Variants in ZNF808 observed in about 807,000 individuals in gnomAD.
ZNF808 encodes the protein zinc finger protein 808.
A neutral mutation model predicts 8.7 loss-of-function variants in ZNF808; 5 were observed. The observed-to-expected ratio is 0.58, with a 90% CI of 0.30 to 1.21. The LOEUF is 1.21. Among genes scored for constraint, ZNF808 ranks in the 50% most tolerant of loss-of-function variants. ZNF808 has a pLI of 0.07. For missense variants in ZNF808, 1,103 were observed against 1,098.4 expected, an observed-to-expected ratio of 1.00 and a Z score of -0.06; for synonymous variants, 380 against 366.0, an observed-to-expected ratio of 1.04 and a Z score of -0.44.
At chr19:52,528,221 G>A (rs1219047113) in intron 1 of ZNF808, among the ~76,000 whole-genome samples, 1 of 152,088 alleles carries the variant, frequency 6.6e-6, no homozygotes, top group Non-Finnish European at 1.5e-5. Flanking sequence ...TCTCTCCTCC[G>A]CAGTCACCGC....
chr19:52,531,624 G>A (rs2059562810), intron 1 of ZNF808, among the ~76,000 whole-genome samples: 1 of 152,022 alleles, frequency 6.6e-6, no homozygotes, highest in Non-Finnish European at 1.5e-5. Flanking sequence ...ATCGCTTTTG[G>A]CCAATATAAA....
At chr19:52,543,467 G>A in intron 3 of ZNF808, 120 bp downstream of exon 3, 1 of 1,436,510 alleles carries the variant, frequency 7.0e-7, no homozygotes, top group Non-Finnish European at 9.3e-7. Flanking sequence ...GAAGCATTTT[G>A]CCTGACACGT....
chr19:52,540,420 T>A (rs2059659536), intron 2 of ZNF808, among the ~76,000 whole-genome samples: 1 of 152,252 alleles, frequency 6.6e-6, no homozygotes, highest in South Asian at 2.1e-4. Context: ...GAAATTTTTT[T>A]GAGTTTACAT....
At chr19:52,535,349 AAAAAAAGAG>A (rs1290596313) in intron 2 of ZNF808, among the ~76,000 whole-genome samples, 5 of 147,372 alleles carry the variant, frequency 3.4e-5, no homozygotes, top group African/African-American at 1.2e-4. Flanking sequence ...AAAAAAAAAA[AAAAAAAGAG>A]AGAAAAGGAA....
At chr19:52,546,642 C>CTTTTTTTTT (rs67940309) in intron 3 of ZNF808, among the ~76,000 whole-genome samples, 1 of 98,794 alleles carries the variant, frequency 1.0e-5, no homozygotes, top group Admixed American at 1.3e-4. Context: ...CCTGTGTTTG[C>CTTTTTTTTT]TTTTTTTTTT....
At chr19:52,531,617 G>A (rs970458660) in intron 1 of ZNF808, among the ~76,000 whole-genome samples, 1 of 151,990 alleles carries the variant, frequency 6.6e-6, no homozygotes, top group Non-Finnish European at 1.5e-5. Context: ...TCTGAACATC[G>A]CTTTTGGCCA....
intron 2 of ZNF808, chr19:52,536,044 CGCGTGAGTTTTGCTCTGCCTTGT>C (rs2123087799): frequency 6.0e-6 from 1 of 165,984 alleles, no homozygotes; most frequent in East Asian, 1.8e-4. Flanking sequence ...CGTACCGCGG[CGCGTGAGTTTTGCTCTGCCTTGT>C]ATTAAGTTTG....
At chr19:52,544,884 A>G (rs1332555631) in intron 3 of ZNF808, among the ~76,000 whole-genome samples, 2 of 152,182 alleles carry the variant, frequency 1.3e-5, no homozygotes, top group African/African-American at 2.4e-5. Context: ...TCTGGCTTCA[A>G]GCAATTCTTT....
At chr19:52,532,672 G>A (rs1415733630) in intron 1 of ZNF808, among the ~76,000 whole-genome samples, 3 of 152,204 alleles carry the variant, frequency 2.0e-5, no homozygotes, top group African/African-American at 7.2e-5. Flanking sequence ...ACATGTTTGT[G>A]CCCTGTCAGC....
At chr19:52,561,212 C>CTCTATA (rs1568495016), downstream of ZNF808, among the ~76,000 whole-genome samples, 4 of 40,052 alleles carry the variant, frequency 1.0e-4, no homozygotes, top group Non-Finnish European at 1.4e-4. Flanking sequence ...CTCTCTCTCT[C>CTCTATA]TATATATATA....
rs757354139 is a variant in ZNF808 at position 52,553,353 on chromosome 19, A to G, written c.437A>G (p.His146Arg). 1 of 1,614,168 alleles carries G rather than the reference A, an allele frequency of 6.2e-7. No individual in the cohort carries two copies. The highest frequency in any genetic ancestry group is 8.5e-7 in the Non-Finnish European group (1 of 1,179,980). The change falls in exon 5 of 5, where the codon CAT (histidine) becomes CGT (arginine). Residue 146 changes from histidine (H) to arginine (R), a missense_variant. Coordinates refer to ENST00000359798, the MANE Select transcript of ZNF808 (RefSeq NM_001039886.4). ...AGCACAGACCAACATGATCACAGGC[A>G]TGCTGGAAACAAGCCTATTAAAGAT... ...TGSTDQHDHR[H>R]AGNKPIKDQL...
At position 52,554,244 on chromosome 19, in the gene ZNF808, A is replaced by G; in HGVS notation, c.1328A>G (p.Glu443Gly). Reference protein sequence around the residue: ...DKVFSQKSTLERHKRIHTGEK... With the variant: ...DKVFSQKSTLGRHKRIHTGEK... ...GTTTTCAGTCAGAAATCAACCCTTG[A>G]GAGACATAAGAGAATTCATACTGGA... is the stretch of plus-strand genomic sequence containing the variant. The change falls in exon 5 of 5, where the codon GAG (glutamate) becomes GGG (glycine). Residue 443 changes from glutamate to glycine, a missense_variant. Physicochemically the swap from Glu to Gly is moderately conservative, Grantham distance 98. Transcript: ENST00000359798. 6.2e-7 allele frequency: 1 copy of G among 1,613,656 alleles called. No individual in the cohort carries two copies.
At chr19:52,552,969 C>T in intron 4 of ZNF808, 138 bp from the exon 5 acceptor site, 1 of 1,281,216 alleles carries the variant, frequency 7.8e-7, no homozygotes, top group Non-Finnish European at 1.0e-6. Context: ...GAATCTCACT[C>T]TTTTTGTGTT....
intron 4 of ZNF808, among the ~76,000 whole-genome samples, chr19:52,549,106 G>T (rs900570784): frequency 1.2e-4 from 18 of 152,062 alleles, no homozygotes; most frequent in Middle Eastern, 3.2e-3. Flanking sequence ...CTTCTGAGCT[G>T]TTGGGATTAC....
chr19:52,555,201 C>G lies in ZNF808; in HGVS notation c.2285C>G (p.Pro762Arg). The part of the protein sequence containing the change: ...CHRRLHSGEK[P>R]YKCNDCGNTF... ...CGTAGACTTCATAGTGGTGAGAAAC[C>G]TTACAAGTGTAACGACTGTGGCAAT... Residue 762 changes from proline to arginine, a missense_variant, in exon 5 of 5, where the codon CCT (proline) becomes CGT (arginine). By Grantham distance (103) the Pro-to-Arg change is moderately radical (BLOSUM62 -2). Transcript: ENST00000359798. 6.2e-7 allele frequency: 1 copy of G among 1,614,116 alleles called. No homozygotes were observed. Among genetic ancestry groups the G allele is most frequent in the Non-Finnish European group, 8.5e-7 (1 of 1,180,002 alleles).
At chr19:52,533,683 GTC>G in intron 2 of ZNF808, among the ~76,000 whole-genome samples, 1 of 151,556 alleles carries the variant, frequency 6.6e-6, no homozygotes, top group African/African-American at 2.4e-5. Flanking sequence ...TTGAAACCCT[GTC>G]TCTACTAAAA....
intron 3 of ZNF808, 56 bp from the exon 4 acceptor site, chr19:52,547,456 G>C: frequency 6.2e-7 from 1 of 1,609,612 alleles, no homozygotes; most frequent in Admixed American, 1.7e-5. Context: ...CATTTCCTGT[G>C]AAGGTGATAA....
Position 52,555,794 on chromosome 19 carries a change from A to G in ZNF808, c.*166A>G, listed in dbSNP as rs529842748. On this transcript the variant is annotated 3_prime_UTR_variant, in exon 5 of 5. Transcript: ENST00000359798. ...ACCTCATACTGGAGAGAAACCTTACAAATGTCATGATTGAGGCAAGGTCTT... is the reference window on the plus strand; with the variant it reads ...ACCTCATACTGGAGAGAAACCTTACGAATGTCATGATTGAGGCAAGGTCTT... 111 of 1,074,936 alleles carry G rather than the reference A, an allele frequency of 1.0e-4. 1 individual carries two copies. In the African/African-American group the frequency reaches 1.5e-3, roughly 15 times the overall value. 66.6% of individuals were successfully genotyped at this position (1,074,936 alleles called of 1,614,324 possible). A position where few individuals can be genotyped will look rare whatever the true frequency, so the allele number is the denominator to read the frequency against.
chr19:52,557,487 C>G (rs1358344226), downstream of ZNF808, among the ~76,000 whole-genome samples: 2 of 152,110 alleles, frequency 1.3e-5, no homozygotes, highest in African/African-American at 4.8e-5. Flanking sequence ...AAGCTGGTCT[C>G]GAACTCCTGA....
Sources: gnomAD v4.1 joint callset for allele counts (sites outside exome capture counted in the v4.1 genomes callset) on GRCh38, gnomAD v4.1.1 for gene constraint, MANE v1.5 for transcripts, NCBI Gene and HGNC (gene_info 2026-07-23, HGNC 2026-07-21) for gene names.